The following RASGEF1C variants were observed in gnomAD, a reference collection of about 807,000 sequenced individuals.
RASGEF1C encodes the protein ras-GEF domain-containing family member 1C.
Under a neutral mutation model 58.1 loss-of-function variants are expected in RASGEF1C, and 27 were observed. That is an observed-to-expected ratio of 0.46 (90% CI 0.34 to 0.64). RASGEF1C has a LOEUF of 0.64. RASGEF1C is among the 30% of genes least tolerant of loss of function. The pLI is 0.01. For synonymous variants in RASGEF1C, 243 were observed against 246.3 expected (o/e 0.99, Z 0.13); for missense variants, 502 against 605.1 (o/e 0.83, Z 1.79).
chr5:180,101,477 T>G lies in RASGEF1C; in HGVS notation c.*24A>C. 1 of 1,609,728 alleles carries G rather than the reference T, an allele frequency of 6.2e-7. No homozygotes were observed. The highest frequency in any genetic ancestry group is 8.5e-7 in the Non-Finnish European group (1 of 1,179,904). ...GACGGCTTCTGCGGGCTCCAGCTCT[T>G]CCTCGTCCCTCAGCTCAGCGCTTTC... On this transcript the variant is annotated 3_prime_UTR_variant, in exon 14 of 14. Coordinates refer to ENST00000361132, the MANE Select transcript of RASGEF1C (RefSeq NM_175062.4).
chr5:180,118,688 G>A lies in RASGEF1C; in HGVS notation c.1004C>T (p.Thr335Met), dbSNP rs145725435. 10 of 1,614,066 alleles carry A rather than the reference G, an allele frequency of 6.2e-6. No homozygotes were observed. The highest frequency in any genetic ancestry group is 4.0e-5 in the African/African-American group (3 of 74,938). ...FFILEHQMDPTGNFCNYRTAL... is the reference protein window; with the variant it reads ...FFILEHQMDPMGNFCNYRTAL... Reference sequence around the variant, plus strand: ...TGTCCTGTAGTTGCAGAAATTCCCCGTTGGGTCCATCTGGTGCTGGAAGGA... The same window carrying A: ...TGTCCTGTAGTTGCAGAAATTCCCCATTGGGTCCATCTGGTGCTGGAAGGA... Residue 335 changes from threonine to methionine, a missense_variant, in exon 10 of 14, where the codon ACG becomes ATG. Coordinates refer to ENST00000361132, the MANE Select transcript of RASGEF1C (RefSeq NM_175062.4).
At chr5:180,121,677 A>ACC (rs1391455597) in intron 6 of RASGEF1C, among the ~76,000 whole-genome samples, 19 of 29,686 alleles carry the variant, frequency 6.4e-4, no homozygotes, top group African/African-American at 1.9e-3. Context: ...ACACACACAC[A>ACC]CACACCCTCA....
intron 1 of RASGEF1C, among the ~76,000 whole-genome samples, chr5:180,149,692 G>A (rs911647335): frequency 4.6e-5 from 7 of 152,182 alleles, no homozygotes; most frequent in African/African-American, 7.2e-5. Flanking sequence ...TTGACCTCTC[G>A]ATCCACCCGC....
At chr5:180,121,732 T>C (rs115613866) in intron 6 of RASGEF1C, among the ~76,000 whole-genome samples, 2,885 of 151,550 alleles carry the variant, frequency 0.019, 122 homozygotes, top group African/African-American at 0.066. Flanking sequence ...CTCTCTAAAA[T>C]GTATTCGTAA....
At chr5:180,169,772 C>G (rs897956568) in intron 1 of RASGEF1C, among the ~76,000 whole-genome samples, 1 of 151,562 alleles carries the variant, frequency 6.6e-6, no homozygotes, top group Non-Finnish European at 1.5e-5. Context: ...CCCATGCGCA[C>G]CCCCCAGCAC....
chr5:180,102,664 G>GGTTTTGTTTT (rs149505914), intron 12 of RASGEF1C, among the ~76,000 whole-genome samples: 2,482 of 150,468 alleles, frequency 0.016, 66 homozygotes, highest in African/African-American at 0.056. Flanking sequence ...TCCTCCATTG[G>GGTTTTGTTTT]GTTTTGTTTT....
At chr5:180,157,926 A>C (rs1431561050) in intron 1 of RASGEF1C, among the ~76,000 whole-genome samples, 1 of 152,210 alleles carries the variant, frequency 6.6e-6, no homozygotes, top group Non-Finnish European at 1.5e-5. Context: ...GTACAACACC[A>C]AGCATGACCC....
chr5:180,186,638 CA>C, intron 1 of RASGEF1C, among the ~76,000 whole-genome samples: 1 of 152,302 alleles, frequency 6.6e-6, no homozygotes, highest in East Asian at 1.9e-4. Context: ...CAATCTCTAG[CA>C]AAATTCCAAC....
At chr5:180,152,603 A>G (rs1424255804) in intron 1 of RASGEF1C, among the ~76,000 whole-genome samples, 11 of 149,108 alleles carry the variant, frequency 7.4e-5, no homozygotes, top group Non-Finnish European at 1.3e-4. Flanking sequence ...TAGGAGATAT[A>G]CCTAACGTTA....
Position 180,119,335 on chromosome 5 carries a change from G to T in RASGEF1C, c.907+11C>A, listed in dbSNP as rs778397664. The T allele has an allele frequency of 1.2e-6, 2 of 1,607,998 alleles. No individual in the cohort carries two copies. Among genetic ancestry groups the T allele is most frequent in the Admixed American group, 1.7e-5 (1 of 60,010 alleles). On this transcript the variant is annotated intron_variant, in intron 8 of 13. Transcript: ENST00000361132. The stretch of plus-strand genomic sequence containing the variant: ...TGCACTGGGGGCCACAGGCCAGGCC[G>T]GCCCACTCACAGATGATGGCCATGA...
intron 12 of RASGEF1C, among the ~76,000 whole-genome samples, 179 bp downstream of exon 12, chr5:180,111,278 T>C (rs894479907): frequency 3.3e-5 from 5 of 152,170 alleles, no homozygotes; most frequent in African/African-American, 9.7e-5. Context: ...CATCCTGTAC[T>C]CCTGGAGTGG....
At position 180,131,220 on chromosome 5, in the gene RASGEF1C, T is replaced by C. The variant is rs367670525; in HGVS notation, c.439-2610A>G. Among the ~76,000 whole-genome samples, 5 of 152,292 alleles carry C rather than the reference T, an allele frequency of 3.3e-5. No individual in the cohort carries two copies. The East Asian group carries it at 5.8e-4, about 18-fold the overall frequency. On this transcript the variant is annotated intron_variant, in intron 4 of 13. Transcript: ENST00000361132. The stretch of plus-strand genomic sequence containing the variant: ...CTGTTCCTGAAAATGCCTCCATGGC[T>C]TGTGCAAAGATAGGAGCCCTGGCGT...
intron 12 of RASGEF1C, among the ~76,000 whole-genome samples, chr5:180,108,714 C>T (rs554553216): frequency 2.0e-5 from 3 of 152,272 alleles, no homozygotes; most frequent in South Asian, 2.1e-4. Flanking sequence ...TCTATATTTT[C>T]ATTTGCTTCA....
chr5:180,123,376 G>A (rs1982301), intron 6 of RASGEF1C, among the ~76,000 whole-genome samples: 87,456 of 152,068 alleles, frequency 0.58, 25,627 homozygotes, highest in East Asian at 0.74. Flanking sequence ...ATGAATCTCA[G>A]CAACACAATT....
intron 1 of RASGEF1C, 118 bp from the exon 2 acceptor site, chr5:180,138,176 T>A (rs1766519396): frequency 3.5e-6 from 2 of 578,776 alleles, no homozygotes; most frequent in South Asian, 2.4e-5. Flanking sequence ...ACAGCCACTT[T>A]GTGCCAGCTT....
chr5:180,193,784 C>A (rs1044658436), intron 1 of RASGEF1C, among the ~76,000 whole-genome samples: 1 of 152,084 alleles, frequency 6.6e-6, no homozygotes. Context: ...TTAGATGATA[C>A]CAAGAAATTA....
At chr5:180,193,784 C>T (rs1044658436) in intron 1 of RASGEF1C, among the ~76,000 whole-genome samples, 12 of 152,084 alleles carry the variant, frequency 7.9e-5, no homozygotes, top group African/African-American at 2.7e-4. Flanking sequence ...TTAGATGATA[C>T]CAAGAAATTA....
rs561226603 is a variant in RASGEF1C at position 180,202,441 on chromosome 5, G to A, written c.-7+6587C>T. On this transcript the variant is annotated intron_variant, in intron 1 of 13. Transcript: ENST00000361132. The stretch of plus-strand genomic sequence containing the variant: ...AAGATCATTTCCAAGAGAATGCCTA[G>A]TAAAATGATTAAACTTTAAAAATAA... Among the ~76,000 whole-genome samples the A allele has an allele frequency of 2.2e-4, 34 of 152,172 alleles. No homozygotes were observed. The South Asian group carries it at 6.4e-3, about 29-fold the overall frequency.
chr5:180,169,309 C>A (rs986582157), intron 1 of RASGEF1C, among the ~76,000 whole-genome samples: 2 of 152,140 alleles, frequency 1.3e-5, no homozygotes, highest in African/African-American at 4.8e-5. Context: ...GCTGGCTGCG[C>A]CCCGAACAGG....
Sources: allele counts gnomAD v4.1 joint callset (sites outside exome capture counted in the v4.1 genomes callset), GRCh38; gene constraint gnomAD v4.1.1; transcripts MANE v1.5; gene names NCBI Gene and HGNC (gene_info 2026-07-23, HGNC 2026-07-21).